The following ATP10A variants were observed in gnomAD, a reference collection of about 807,000 sequenced individuals.
The protein encoded by ATP10A is ATPase phospholipid transporting 10A (putative), also known as phospholipid-transporting ATPase VA.
A neutral mutation model predicts 147.8 loss-of-function variants in ATP10A; 111 were observed. The observed-to-expected ratio is 0.75, with a 90% CI of 0.64 to 0.88. The LOEUF is 0.88. Among genes scored for constraint, ATP10A ranks in the 40% least tolerant of loss-of-function variants. The pLI, the probability that ATP10A is intolerant of heterozygous loss-of-function variation, is 0.00. For synonymous variants in ATP10A, 875 were observed against 841.6 expected, an observed-to-expected ratio of 1.04 and a Z score of -0.69; for missense variants, 1,927 against 1,959.0, an observed-to-expected ratio of 0.98 and a Z score of 0.31.
At chr15:25,680,067 A>G in intron 20 of ATP10A, 54 bp downstream of exon 20, 4 of 1,592,890 alleles carry the variant, frequency 2.5e-6, no homozygotes, top group South Asian at 1.1e-5. Context: ...AGCAATGCCA[A>G]TGTCGTCTGG....
At chr15:25,792,592 T>C (rs950208089) in intron 1 of ATP10A, among the ~76,000 whole-genome samples, 3 of 152,182 alleles carry the variant, frequency 2.0e-5, no homozygotes, top group Non-Finnish European at 4.4e-5. Flanking sequence ...TACTGCAGCC[T>C]CTATGTGGAT....
intron 2 of ATP10A, among the ~76,000 whole-genome samples, chr15:25,736,658 A>T (rs928815044): frequency 6.6e-6 from 1 of 152,246 alleles, no homozygotes; most frequent in Non-Finnish European, 1.5e-5. Flanking sequence ...CAATTAAAAA[A>T]AAACCCTGAC....
intron 1 of ATP10A, among the ~76,000 whole-genome samples, chr15:25,831,308 C>G (rs1329761834): frequency 6.6e-6 from 1 of 152,216 alleles, no homozygotes; most frequent in Non-Finnish European, 1.5e-5. Flanking sequence ...GTAATGGGCT[C>G]TGTGTGTTTG....
intron 17 of ATP10A, among the ~76,000 whole-genome samples, chr15:25,682,399 A>T (rs1334215388): frequency 6.6e-6 from 1 of 152,176 alleles, no homozygotes; most frequent in African/African-American, 2.4e-5. Context: ...CCTGCCAAGT[A>T]CCAGAGCAGC....
chr15:25,743,015 C>A (rs4559881), intron 2 of ATP10A, among the ~76,000 whole-genome samples: 120,101 of 152,074 alleles, frequency 0.79, 48,212 homozygotes, highest in Admixed American at 0.87. Context: ...CATGCTTTAG[C>A]GCTCACTCAG....
chr15:25,850,444 C>G (rs113731251), intron 1 of ATP10A, among the ~76,000 whole-genome samples: 1 of 152,138 alleles, frequency 6.6e-6, no homozygotes, highest in South Asian at 2.1e-4. Flanking sequence ...GGAGAGGCCC[C>G]GGCTGTGTCT....
chr15:25,794,646 T>C (rs757919770), intron 1 of ATP10A, among the ~76,000 whole-genome samples: 5 of 152,182 alleles, frequency 3.3e-5, no homozygotes, highest in Non-Finnish European at 7.3e-5. Flanking sequence ...CGACGTCAAT[T>C]TTCCCAGTCA....
At chr15:25,821,237 A>C (rs8041659) in intron 1 of ATP10A, among the ~76,000 whole-genome samples, 52,682 of 151,846 alleles carry the variant, frequency 0.35, 10,436 homozygotes, top group African/African-American at 0.54. Flanking sequence ...CCTACAAAAA[A>C]AGTTACCTGG....
chr15:25,739,430 G>C (rs763420558), intron 2 of ATP10A, among the ~76,000 whole-genome samples: 56 of 152,174 alleles, frequency 3.7e-4, no homozygotes, highest in Non-Finnish European at 6.5e-4. Flanking sequence ...CTTAGTGCTA[G>C]TTCTTCTGAT....
At chr15:25,714,923 T>C (rs1901688828) in intron 9 of ATP10A, among the ~76,000 whole-genome samples, 1 of 151,674 alleles carries the variant, frequency 6.6e-6, no homozygotes, top group Admixed American at 6.6e-5. Flanking sequence ...ATTGAAACAA[T>C]ATTTTAACCA....
At chr15:25,759,723 C>T (rs1029413675) in intron 2 of ATP10A, among the ~76,000 whole-genome samples, 3 of 151,388 alleles carry the variant, frequency 2.0e-5, no homozygotes, top group Admixed American at 6.6e-5. Context: ...GGTGGAGAAT[C>T]GCTTGAGCCT....
intron 1 of ATP10A, among the ~76,000 whole-genome samples, chr15:25,808,323 A>C (rs1375997630): frequency 6.6e-6 from 1 of 152,222 alleles, no homozygotes; most frequent in Non-Finnish European, 1.5e-5. Context: ...CCTCAACACA[A>C]GTCACAACAG....
In ATP10A at chr15:25,679,848, C is replaced by T. The variant is rs376143743; in HGVS notation, c.3993G>A (p.Pro1331=). 1.2e-5 allele frequency: 19 copies of T among 1,610,618 alleles called. No homozygotes were observed. Among genetic ancestry groups the T allele is most frequent in the South Asian group, 4.4e-5 (4 of 91,080 alleles). ...ATGAGTGCTCGGTTCCCGAGTCCTT[C>T]GGGAGGCGTCCCTGAGCAAAGGTCT... The part of the protein sequence containing the change: ...PKETFAQGRL[P]KDSGTEHSSG... The change falls in exon 21 of 21, where the codon CCG becomes CCA. Residue 1331 remains proline, a synonymous_variant. Coordinates refer to ENST00000555815, the MANE Select transcript of ATP10A (RefSeq NM_024490.4).
At chr15:25,755,023 TTGTC>T (rs747274621) in intron 2 of ATP10A, among the ~76,000 whole-genome samples, 5 of 152,162 alleles carry the variant, frequency 3.3e-5, no homozygotes, top group Non-Finnish European at 7.3e-5. Flanking sequence ...CTATCCCACT[TTGTC>T]TGAATATTCA....
chr15:25,728,267 A>G (rs1902709953), intron 3 of ATP10A, among the ~76,000 whole-genome samples: 1 of 152,214 alleles, frequency 6.6e-6, no homozygotes, highest in African/African-American at 2.4e-5. Context: ...CCTAGTGAAG[A>G]AGAGAAGCTA....
chr15:25,707,969 T>A lies in ATP10A; in HGVS notation c.2575+7A>T. 4 of 1,613,762 alleles carry A rather than the reference T, an allele frequency of 2.5e-6. No homozygotes were observed. Among genetic ancestry groups the A allele is most frequent in the Non-Finnish European group, 3.4e-6 (4 of 1,179,718 alleles). On this transcript the variant is annotated splice_region_variant and intron_variant, in intron 12 of 20. Transcript: ENST00000555815. ...GCCCTTAGGCATGCGACTCTCAAGTTAATTACCTAACAAGTGCAGGTTGGT... is the reference window on the plus strand; with the variant it reads ...GCCCTTAGGCATGCGACTCTCAAGTAAATTACCTAACAAGTGCAGGTTGGT...
rs372412063 is a variant in ATP10A, at chr15:25,748,619, A to T, written c.655-12478T>A. Among the ~76,000 whole-genome samples the T allele has an allele frequency of 2.6e-4, 39 of 152,194 alleles. No individual in the cohort carries two copies. The East Asian group carries it at 7.5e-3, about 29-fold the overall frequency. On this transcript the variant is annotated intron_variant, in intron 2 of 20. Coordinates refer to ENST00000555815, the MANE Select transcript of ATP10A (RefSeq NM_024490.4). ...TATGATATCACCACTTCCATTTAGA[A>T]CTGTACTGGAGTCCTTGCCACTGCA... is the stretch of plus-strand genomic sequence containing the variant.
At chr15:25,698,473 T>C (rs1900473348) in intron 13 of ATP10A, among the ~76,000 whole-genome samples, 2 of 152,146 alleles carry the variant, frequency 1.3e-5, no homozygotes, top group Non-Finnish European at 2.9e-5. Flanking sequence ...GAATACAGCA[T>C]ATAATACATA....
chr15:25,844,559 T>G (rs2140897093), intron 1 of ATP10A, among the ~76,000 whole-genome samples: 1 of 152,306 alleles, frequency 6.6e-6, no homozygotes, highest in East Asian at 1.9e-4. Flanking sequence ...CATTTTCCTG[T>G]GAGCTTTTAA....
Sources: gnomAD v4.1 joint callset for allele counts (sites outside exome capture counted in the v4.1 genomes callset) on GRCh38, gnomAD v4.1.1 for gene constraint, MANE v1.5 for transcripts, NCBI Gene and HGNC (gene_info 2026-07-23, HGNC 2026-07-21) for gene names.